Variants in EPS15 observed in about 807,000 individuals in gnomAD.
EPS15 encodes the protein epidermal growth factor receptor pathway substrate 15, also known as epidermal growth factor receptor substrate 15.
EPS15 carries 72 observed loss-of-function variants against 113.8 expected under a neutral mutation model. The ratio of observed to expected loss-of-function variants is 0.63; its 90% CI spans 0.52 to 0.77. The LOEUF is 0.77. Ranked by LOEUF, EPS15 falls within the 30% of genes least tolerant of loss-of-function variation. The pLI is 0.00. For missense variants in EPS15, 1,048 were observed against 1,045.8 expected (o/e 1.00, Z -0.03); for synonymous variants, 344 against 363.4 (o/e 0.95, Z 0.61).
intron 8 of EPS15, among the ~76,000 whole-genome samples, 182 bp from the exon 9 acceptor site, chr1:51,448,317 T>G (rs74353704): frequency 0.022 from 3,333 of 149,482 alleles, 31 homozygotes; most frequent in Middle Eastern, 0.034. Context: ...AAGAAAGAAA[T>G]AAAAACTAAG....
chr1:51,438,421 G>C (rs1029814759), intron 12 of EPS15, among the ~76,000 whole-genome samples: 5 of 152,096 alleles, frequency 3.3e-5, no homozygotes, highest in Non-Finnish European at 7.4e-5. Context: ...TGACCAAAAT[G>C]TAACAAATAA....
intron 6 of EPS15, 31 bp downstream of exon 6, chr1:51,465,230 G>C (rs751396348): frequency 7.2e-7 from 1 of 1,385,028 alleles, no homozygotes; most frequent in South Asian, 1.2e-5. Context: ...AGCAATGAAG[G>C]GGTGAGAGAA....
chr1:51,385,072 C>T (rs1347105375), intron 21 of EPS15, among the ~76,000 whole-genome samples: 1 of 152,164 alleles, frequency 6.6e-6, no homozygotes, highest in African/African-American at 2.4e-5. Flanking sequence ...AACAACAACA[C>T]AATAGATAAA....
chr1:51,474,674 T>C (rs1195373667), intron 2 of EPS15, among the ~76,000 whole-genome samples: 2 of 152,090 alleles, frequency 1.3e-5, no homozygotes, highest in African/African-American at 2.4e-5. Flanking sequence ...GAAATAGTTT[T>C]CTTTTTTTAT....
At chr1:51,499,834 A>G (rs909221174) in intron 1 of EPS15, among the ~76,000 whole-genome samples, 1 of 152,210 alleles carries the variant, frequency 6.6e-6, no homozygotes, top group African/African-American at 2.4e-5. Context: ...GTACATTTTC[A>G]AGTACAGAAT....
At chr1:51,379,501 A>C (rs192674900) in intron 21 of EPS15, among the ~76,000 whole-genome samples, 26 of 152,350 alleles carry the variant, frequency 1.7e-4, no homozygotes, top group Admixed American at 9.1e-4. Flanking sequence ...GGTTCGAAAA[A>C]AACACTGTCA....
intron 12 of EPS15, among the ~76,000 whole-genome samples, chr1:51,429,089 A>G (rs903879220): frequency 6.6e-6 from 1 of 152,080 alleles, no homozygotes; most frequent in African/African-American, 2.4e-5. Flanking sequence ...AGGTCTCACT[A>G]TGTTGCCCTG....
At chr1:51,485,222 G>A (rs1004335528) in intron 1 of EPS15, among the ~76,000 whole-genome samples, 1 of 152,126 alleles carries the variant, frequency 6.6e-6, no homozygotes, top group African/African-American at 2.4e-5. Flanking sequence ...AAATTTTTAA[G>A]GATAAGACTG....
intron 5 of EPS15, among the ~76,000 whole-genome samples, chr1:51,466,672 A>T (rs1423084006): frequency 6.6e-6 from 1 of 151,786 alleles, no homozygotes; most frequent in Non-Finnish European, 1.5e-5. Flanking sequence ...CTCACATCCT[A>T]GATCAATACT....
chr1:51,505,014 G>A (rs778574183), intron 1 of EPS15, among the ~76,000 whole-genome samples: 15 of 151,992 alleles, frequency 9.9e-5, no homozygotes, highest in South Asian at 2.1e-4. Context: ...CCAGCTACTC[G>A]GGAGGGTGAG....
At chr1:51,373,305 A>G (rs188255764) in intron 21 of EPS15, 4 of 153,258 alleles carry the variant, frequency 2.6e-5, no homozygotes, top group African/African-American at 9.6e-5. Flanking sequence ...CTTGTTAAAA[A>G]GCTGTCCTGA....
Position 51,403,546 on chromosome 1 carries a change from A to C in EPS15, c.1678-14T>G, listed in dbSNP as rs1327290945. The C allele has an allele frequency of 7.2e-7, 1 of 1,387,220 alleles. No homozygotes were observed. Among genetic ancestry groups the C allele is most frequent in the East Asian group, 2.4e-5 (1 of 42,502 alleles). The allele number at this position is 1,387,220 out of a possible 1,614,324, so 85.9% of individuals were successfully genotyped here. Reference sequence around the variant, plus strand: ...ACTACTTCTTGCCTACAAAATATTAATGCAAGTAGATTAACAATATACTTT... The same window carrying C: ...ACTACTTCTTGCCTACAAAATATTACTGCAAGTAGATTAACAATATACTTT... On this transcript the variant is annotated splice_polypyrimidine_tract_variant and intron_variant, in intron 16 of 24. Coordinates refer to ENST00000371733, the MANE Select transcript of EPS15 (RefSeq NM_001981.3).
chr1:51,497,654 A>G (rs1018876522), intron 1 of EPS15, among the ~76,000 whole-genome samples: 1 of 152,220 alleles, frequency 6.6e-6, no homozygotes, highest in Non-Finnish European at 1.5e-5. Flanking sequence ...GTCCTCTGGC[A>G]GCAGCGAAAA....
At position 51,472,937 on chromosome 1, in the gene EPS15, G is replaced by A; in HGVS notation, c.87C>T (p.Gly29=). ...CAGAAGCCAACACCCTTCCAGTATT[G>A]CCTGTATCAACCTGAAAAGATACAA... ...YEKYYRQVDT[G]NTGRVLASDA... Residue 29 remains glycine (G), a synonymous_variant, in exon 3 of 25, where the codon GGC becomes GGT. Transcript: ENST00000371733. 1 of 1,612,858 alleles carries A rather than the reference G, an allele frequency of 6.2e-7. No homozygotes were observed. Among genetic ancestry groups the A allele is most frequent in the East Asian group, 2.2e-5 (1 of 44,860 alleles).
chr1:51,421,083 CTAAG>C lies in EPS15; in HGVS notation c.1113+699_1113+702del, dbSNP rs111425557. On this transcript the variant is annotated intron_variant, in intron 13 of 24. Transcript: ENST00000371733. ...ATGGCCACATGCATTGCTTACTGCT[CTAAG>C]TGAGGCACTGCCCAGTTTTCTCTAT... Among the ~76,000 whole-genome samples, 1,075 of 152,246 alleles carry C rather than the reference CTAAG, an allele frequency of 7.1e-3. 7 individuals carry two copies. The highest frequency in any genetic ancestry group is 0.025 in the African/African-American group (1,032 of 41,550).
Position 51,421,774 on chromosome 1 carries a change from A to C in EPS15, c.1113+12T>G, listed in dbSNP as rs373254016. ...AATCAGCAGTGGAACACTAAATTTT[A>C]TGGTCACTTACCTGAACCTCACTTG... On this transcript the variant is annotated intron_variant, in intron 13 of 24. Transcript: ENST00000371733. The C allele has an allele frequency of 5.9e-5, 90 of 1,522,788 alleles. No homozygotes were observed. Among genetic ancestry groups the C allele is most frequent in the Non-Finnish European group, 7.7e-5 (87 of 1,123,344 alleles). 94.3% of individuals were successfully genotyped at this position (1,522,788 alleles called of 1,614,324 possible). A position where few individuals can be genotyped will look rare whatever the true frequency, so the allele number is the denominator to read the frequency against.
intron 23 of EPS15, among the ~76,000 whole-genome samples, chr1:51,363,297 C>CAA (rs34317809): frequency 0.058 from 4,427 of 76,650 alleles, 131 homozygotes; most frequent in Non-Finnish European, 0.082. Context: ...GATTCCATCT[C>CAA]AAAAAAAAAA....
intron 12 of EPS15, chr1:51,422,068 C>A: frequency 8.2e-7 from 1 of 1,215,110 alleles, no homozygotes; most frequent in African/African-American, 1.5e-5. Flanking sequence ...TGCTTTCTCA[C>A]TAAAATGTGG....
At chr1:51,383,992 C>T in intron 21 of EPS15, among the ~76,000 whole-genome samples, 1 of 152,094 alleles carries the variant, frequency 6.6e-6, no homozygotes, top group Admixed American at 6.5e-5. Context: ...CCATTTACAA[C>T]AGCATCAAAA....
Sources: gnomAD v4.1 joint callset for allele counts (sites outside exome capture counted in the v4.1 genomes callset) on GRCh38, gnomAD v4.1.1 for gene constraint, MANE v1.5 for transcripts, NCBI Gene and HGNC (gene_info 2026-07-23, HGNC 2026-07-21) for gene names.